The following KAZN variants were observed in gnomAD, a reference collection of about 807,000 sequenced individuals.
The protein encoded by KAZN is kazrin.
KAZN carries 40 observed loss-of-function variants against 87.4 expected under a neutral mutation model. That is an observed-to-expected ratio of 0.46 (90% CI 0.36 to 0.60). The LOEUF (loss-of-function observed/expected upper bound fraction) is 0.60, where lower values mean the gene tolerates loss of function less well. KAZN is among the 20% of genes least tolerant of loss of function. The pLI is 0.00. For missense variants in KAZN, 898 were observed against 1,073.9 expected, an observed-to-expected ratio of 0.84 and a Z score of 2.29; for synonymous variants, 466 against 458.3, an observed-to-expected ratio of 1.02 and a Z score of -0.22.
intron 1 of KAZN, among the ~76,000 whole-genome samples, chr1:14,092,299 G>A (rs542112224): frequency 7.0e-4 from 106 of 151,270 alleles, no homozygotes; most frequent in African/African-American, 2.5e-3. Flanking sequence ...CACTGTGTTA[G>A]CCAGGATGGT....
At chr1:14,108,831 A>G (rs544361234) in intron 1 of KAZN, among the ~76,000 whole-genome samples, 1 of 152,288 alleles carries the variant, frequency 6.6e-6, no homozygotes, top group Non-Finnish European at 1.5e-5. Context: ...CATTCAGTCA[A>G]TCATCTTCCA....
At chr1:14,331,709 T>C (rs1656869657) in intron 2 of KAZN, among the ~76,000 whole-genome samples, 1 of 152,138 alleles carries the variant, frequency 6.6e-6, no homozygotes, top group African/African-American at 2.4e-5. Context: ...CAACAAAAAC[T>C]AGAACCTTCA....
Position 14,984,211 on chromosome 1 carries a change from G to A in KAZN, c.418+23336G>A, listed in dbSNP as rs139709357. Among the ~76,000 whole-genome samples the A allele has an allele frequency of 5.1e-3, 782 of 152,104 alleles. 5 individuals are homozygous for A. Among genetic ancestry groups the A allele is most frequent in the South Asian group, 0.011 (53 of 4,814 alleles). ...CATCTCTACTAAAAATACAAAATGA[G>A]CCAGGCATGGTGGTGTGCACCTGTA... On this transcript the variant is annotated intron_variant, in intron 2 of 14. Transcript: ENST00000376030.
chr1:14,854,877 A>G (rs1557557992), intron 1 of KAZN, among the ~76,000 whole-genome samples: 1 of 152,194 alleles, frequency 6.6e-6, no homozygotes, highest in Non-Finnish European at 1.5e-5. Flanking sequence ...CAGAGGCATT[A>G]GTTGCCAGCC....
chr1:14,089,579 C>G (rs1048957249), intron 1 of KAZN, among the ~76,000 whole-genome samples: 2 of 152,124 alleles, frequency 1.3e-5, no homozygotes, highest in African/African-American at 4.8e-5. Context: ...CCCTACTATG[C>G]CTTATGCTAC....
At chr1:14,553,868 G>T (rs1673698949) in intron 2 of KAZN, among the ~76,000 whole-genome samples, 1 of 152,196 alleles carries the variant, frequency 6.6e-6, no homozygotes, top group South Asian at 2.1e-4. Flanking sequence ...ACTGCTGGAA[G>T]ATTTAATCAG....
chr1:14,297,120 T>C (rs1039622690), intron 2 of KAZN, among the ~76,000 whole-genome samples: 7 of 152,166 alleles, frequency 4.6e-5, no homozygotes, highest in African/African-American at 1.7e-4. Flanking sequence ...TGGGCTTACA[T>C]AGAGGGGCTT....
chr1:15,087,327 A>G (rs1397436262), intron 8 of KAZN, among the ~76,000 whole-genome samples: 1 of 141,254 alleles, frequency 7.1e-6, no homozygotes, highest in Non-Finnish European at 1.5e-5. Flanking sequence ...TGATTATGAA[A>G]TAATTTACAT....
chr1:13,933,078 T>C (rs1042246472), intron 1 of KAZN, among the ~76,000 whole-genome samples: 2 of 152,182 alleles, frequency 1.3e-5, no homozygotes, highest in Non-Finnish European at 2.9e-5. Flanking sequence ...AAACCAGCAT[T>C]GTACATGACT....
At chr1:14,552,424 G>T (rs983235753) in intron 2 of KAZN, among the ~76,000 whole-genome samples, 1 of 152,210 alleles carries the variant, frequency 6.6e-6, no homozygotes, top group Non-Finnish European at 1.5e-5. Context: ...CCGTACCACG[G>T]CTCCCCTTCC....
At chr1:14,039,715 C>T (rs541502048) in intron 1 of KAZN, among the ~76,000 whole-genome samples, 43 of 152,254 alleles carry the variant, frequency 2.8e-4, no homozygotes, top group African/African-American at 1.0e-3. Flanking sequence ...TATAAACAGC[C>T]TTGTAGTGTT....
chr1:15,117,296 G>C lies in KAZN; in HGVS notation c.*2661G>C, dbSNP rs1283208791. 1.3e-5 allele frequency: 2 copies of C among 152,376 alleles called. No homozygotes were observed. Among genetic ancestry groups the C allele is most frequent in the African/African-American group, 4.8e-5 (2 of 41,452 alleles). The allele number at this position is 152,376 out of a possible 1,614,324, so 9.4% of individuals were successfully genotyped here. A position where few individuals can be genotyped will look rare whatever the true frequency, so the allele number is the denominator to read the frequency against. Reference sequence around the variant, plus strand: ...GGCAATGTGGGCATCTGGACCTGGGGACGATGTGGATGCACTTCTTGGAAA... The same window carrying C: ...GGCAATGTGGGCATCTGGACCTGGGCACGATGTGGATGCACTTCTTGGAAA... On this transcript the variant is annotated 3_prime_UTR_variant, in exon 15 of 15. Coordinates refer to ENST00000376030, the MANE Select transcript of KAZN (RefSeq NM_201628.3).
chr1:14,785,137 G>A (rs1010137291), intron 1 of KAZN, among the ~76,000 whole-genome samples: 1 of 152,176 alleles, frequency 6.6e-6, no homozygotes, highest in East Asian at 1.9e-4. Context: ...ACCAATGTCA[G>A]CCAAGTTAAG....
chr1:14,149,104 C>CT lies in KAZN; in HGVS notation c.92-31314dup, dbSNP rs57657728. On this transcript the variant is annotated intron_variant, in intron 1 of 16. Transcript: ENST00000636203. ...CTTCCTTCCTTCCTTTCTTTCTTTCCTTTTTTTTTTTTTTTTTGACAGAGT... is the reference window on the plus strand; with the variant it reads ...CTTCCTTCCTTCCTTTCTTTCTTTCCTTTTTTTTTTTTTTTTTTGACAGAGT... 3.6e-4 allele frequency among the ~76,000 whole-genome samples: 25 copies of CT among 69,586 alleles called. 2 individuals carry two copies. Among genetic ancestry groups the CT allele is most frequent in the South Asian group, 1.3e-3 (2 of 1,534 alleles). 45.7% of individuals were successfully genotyped at this position (69,586 alleles called of 152,430 possible). A position where few individuals can be genotyped will look rare whatever the true frequency, so the allele number is the denominator to read the frequency against.
chr1:14,792,767 G>C (rs1291403564), intron 1 of KAZN, among the ~76,000 whole-genome samples: 2 of 152,154 alleles, frequency 1.3e-5, no homozygotes, highest in Non-Finnish European at 2.9e-5. Context: ...CACGAGGTCA[G>C]GAGATCGAGA....
At chr1:14,713,860 C>T (rs182715528) in intron 1 of KAZN, among the ~76,000 whole-genome samples, 178 of 150,348 alleles carry the variant, frequency 1.2e-3, no homozygotes, top group Admixed American at 9.7e-3. Context: ...AGGGGCCGAG[C>T]GGGGAGGATC....
intron 8 of KAZN, among the ~76,000 whole-genome samples, chr1:15,085,361 T>A (rs890839352): frequency 6.6e-6 from 1 of 152,244 alleles, no homozygotes; most frequent in African/African-American, 2.4e-5. Context: ...GGAGTTTCAC[T>A]CTGTCACCCA....
chr1:14,894,636 C>T (rs986616751), intron 1 of KAZN, among the ~76,000 whole-genome samples: 3 of 152,234 alleles, frequency 2.0e-5, no homozygotes, highest in Admixed American at 6.5e-5. Context: ...ATTGCTGATT[C>T]GCAGTCCTTG....
At chr1:14,971,674 TC>T (rs1665052734) in intron 2 of KAZN, among the ~76,000 whole-genome samples, 1 of 145,232 alleles carries the variant, frequency 6.9e-6, no homozygotes. Flanking sequence ...TTTTTTTTTT[TC>T]TTTTTCTTTT....
Sources: gnomAD v4.1 joint callset for allele counts (sites outside exome capture counted in the v4.1 genomes callset) on GRCh38, gnomAD v4.1.1 for gene constraint, MANE v1.5 for transcripts, NCBI Gene and HGNC (gene_info 2026-07-23, HGNC 2026-07-21) for gene names.